Variants in PRKCA observed in about 807,000 individuals in gnomAD.
The protein encoded by PRKCA is protein kinase C alpha.
Under a neutral mutation model 87.0 loss-of-function variants are expected in PRKCA, and 27 were observed. The observed-to-expected ratio is 0.31, with a 90% CI of 0.23 to 0.43. The LOEUF (loss-of-function observed/expected upper bound fraction) is 0.43, where lower values mean the gene tolerates loss of function less well. Among genes scored for constraint, PRKCA ranks in the 20% least tolerant of loss-of-function variants. The probability of loss-of-function intolerance (pLI) is 1.00; values close to 1 mark genes in which losing one functional copy is unlikely to be tolerated. For synonymous variants in PRKCA, 329 were observed against 311.1 expected, an observed-to-expected ratio of 1.06 and a Z score of -0.61; for missense variants, 518 against 852.3, an observed-to-expected ratio of 0.61 and a Z score of 4.88.
chr17:66,362,878 G>A (rs1280922563), intron 2 of PRKCA, among the ~76,000 whole-genome samples: 1 of 152,070 alleles, frequency 6.6e-6, no homozygotes, highest in Non-Finnish European at 1.5e-5. Flanking sequence ...TATTTTAGTA[G>A]AGATGGGATT....
chr17:66,375,575 T>A (rs987543380), intron 2 of PRKCA, among the ~76,000 whole-genome samples: 2 of 152,170 alleles, frequency 1.3e-5, no homozygotes, highest in Non-Finnish European at 2.9e-5. Context: ...ATATTCCAAA[T>A]GTTCTGTGTA....
At chr17:66,695,137 C>T (rs1182901310) in intron 8 of PRKCA, among the ~76,000 whole-genome samples, 3 of 152,134 alleles carry the variant, frequency 2.0e-5, no homozygotes, top group African/African-American at 7.2e-5. Context: ...AGCCTTTCTC[C>T]TAAGCTTGGC....
At chr17:66,648,351 C>T (rs1472925768) in intron 5 of PRKCA, among the ~76,000 whole-genome samples, 1 of 152,228 alleles carries the variant, frequency 6.6e-6, no homozygotes, top group Non-Finnish European at 1.5e-5. Context: ...GCTTCCTCCA[C>T]AGGACCGCTT....
At chr17:66,313,955 A>T (rs749629125) in intron 2 of PRKCA, among the ~76,000 whole-genome samples, 1 of 152,218 alleles carries the variant, frequency 6.6e-6, no homozygotes, top group Non-Finnish European at 1.5e-5. Flanking sequence ...AAGAAAATGG[A>T]TATGTATTCA....
chr17:66,386,133 C>T (rs1567802240), intron 2 of PRKCA, among the ~76,000 whole-genome samples: 2 of 152,194 alleles, frequency 1.3e-5, no homozygotes, highest in Non-Finnish European at 2.9e-5. Context: ...TTTGAAGTCT[C>T]GTTGTGTCGT....
At chr17:66,717,290 G>A (rs1017314902) in intron 8 of PRKCA, among the ~76,000 whole-genome samples, 3 of 152,200 alleles carry the variant, frequency 2.0e-5, no homozygotes, top group East Asian at 1.9e-4. Context: ...TGCAGCTTTC[G>A]AGCTACAATG....
chr17:66,346,438 A>G (rs890982029), intron 2 of PRKCA, among the ~76,000 whole-genome samples: 4 of 151,360 alleles, frequency 2.6e-5, no homozygotes, highest in African/African-American at 9.7e-5. Context: ...TTAGAGACAG[A>G]GTCTTGCTAT....
At chr17:66,651,995 G>C (rs950854443) in intron 5 of PRKCA, among the ~76,000 whole-genome samples, 117 of 152,112 alleles carry the variant, frequency 7.7e-4, no homozygotes, top group African/African-American at 2.5e-3. Flanking sequence ...GTCTCACTCT[G>C]TCACCCAGCC....
intron 2 of PRKCA, among the ~76,000 whole-genome samples, chr17:66,361,437 G>T (rs971904465): frequency 6.6e-6 from 1 of 151,572 alleles, no homozygotes; most frequent in African/African-American, 2.4e-5. Context: ...TCAGTCTCTC[G>T]AGTAGCTGGG....
At chr17:66,394,381 A>C (rs1265329056) in intron 2 of PRKCA, among the ~76,000 whole-genome samples, 1 of 152,190 alleles carries the variant, frequency 6.6e-6, no homozygotes, top group Non-Finnish European at 1.5e-5. Context: ...GGGAAGATTC[A>C]CTTCCGAAGT....
At chr17:66,628,040 G>A (rs151101405) in intron 3 of PRKCA, among the ~76,000 whole-genome samples, 9 of 152,268 alleles carry the variant, frequency 5.9e-5, no homozygotes, top group East Asian at 3.9e-4. Flanking sequence ...TAACAAAAAC[G>A]GAGAAAAACC....
At chr17:66,744,280 C>T (rs146414511) in intron 13 of PRKCA, among the ~76,000 whole-genome samples, 3,649 of 152,202 alleles carry the variant, frequency 0.024, 48 homozygotes, top group Non-Finnish European at 0.03. Context: ...TCTTATTTTT[C>T]AAATATGAGG....
chr17:66,630,066 T>A (rs1249576357), intron 3 of PRKCA, among the ~76,000 whole-genome samples: 1 of 152,128 alleles, frequency 6.6e-6, no homozygotes, highest in Non-Finnish European at 1.5e-5. Context: ...TTAAATAACA[T>A]TTTTTTAAAA....
intron 3 of PRKCA, among the ~76,000 whole-genome samples, chr17:66,602,630 A>G (rs1484865382): frequency 6.6e-6 from 1 of 152,226 alleles, no homozygotes; most frequent in African/African-American, 2.4e-5. Flanking sequence ...TCTTCTTTTA[A>G]AATATGTATT....
intron 5 of PRKCA, among the ~76,000 whole-genome samples, chr17:66,659,654 T>C (rs535150334): frequency 2.6e-5 from 4 of 152,216 alleles, no homozygotes; most frequent in African/African-American, 9.6e-5. Context: ...GAGGCTGATG[T>C]GGGAGGATTA....
intron 2 of PRKCA, among the ~76,000 whole-genome samples, chr17:66,384,728 A>G (rs866148554): frequency 6.6e-6 from 1 of 151,778 alleles, no homozygotes; most frequent in Admixed American, 6.6e-5. Flanking sequence ...TCCCGTGTTT[A>G]TGCCATTCTC....
chr17:66,447,333 T>C (rs1209475030), intron 2 of PRKCA, among the ~76,000 whole-genome samples: 2 of 152,116 alleles, frequency 1.3e-5, no homozygotes, highest in Non-Finnish European at 2.9e-5. Flanking sequence ...TGCATGCGAC[T>C]TTGGCTGGTC....
rs1438008203 is a variant in PRKCA at position 66,336,674 on chromosome 17, T to TATTA, written c.205+30549_205+30552dup. On this transcript the variant is annotated intron_variant, in intron 2 of 16. Coordinates refer to ENST00000413366, the MANE Select transcript of PRKCA (RefSeq NM_002737.3). ...TTAAACATTTGCCTATATAGTAAAT[T>TATTA]ATTAAACATTTGCTATTCATATATA... 4.6e-5 allele frequency among the ~76,000 whole-genome samples: 7 copies of TATTA among 151,790 alleles called. No homozygotes were observed. In the South Asian group the frequency reaches 6.2e-4, roughly 13 times the overall value.
intron 2 of PRKCA, among the ~76,000 whole-genome samples, chr17:66,495,525 G>GTATTTTATTTTATTT (rs56718851): frequency 0.012 from 1,713 of 137,326 alleles, 40 homozygotes; most frequent in South Asian, 0.034. Flanking sequence ...ATGGTGCAAA[G>GTATTTTATTTTATTT]TATTTTATTT....
Sources: gnomAD v4.1 joint callset for allele counts (sites outside exome capture counted in the v4.1 genomes callset) on GRCh38, gnomAD v4.1.1 for gene constraint, MANE v1.5 for transcripts, NCBI Gene and HGNC (gene_info 2026-07-23, HGNC 2026-07-21) for gene names.